GSK3B: variants seen among roughly 807,000 people sequenced by gnomAD.
The protein encoded by GSK3B is glycogen synthase kinase-3 beta.
In GSK3B, 15 loss-of-function variants were observed where a neutral mutation model predicts 56.4. The observed-to-expected ratio is 0.27, with a 90% CI of 0.18 to 0.41. The LOEUF (loss-of-function observed/expected upper bound fraction) is 0.41. Ranked by LOEUF, GSK3B falls within the 10% of genes least tolerant of loss-of-function variation. The pLI is 1.00. For missense variants in GSK3B, 300 were observed against 513.4 expected, an observed-to-expected ratio of 0.58 and a Z score of 4.02; for synonymous variants, 181 against 188.9, an observed-to-expected ratio of 0.96 and a Z score of 0.34.
At chr3:119,855,564 G>T (rs577539796) in intron 9 of GSK3B, among the ~76,000 whole-genome samples, 3 of 152,154 alleles carry the variant, frequency 2.0e-5, no homozygotes, top group Non-Finnish European at 2.9e-5. Context: ...CAATAGCGAA[G>T]ACTTGGAACC....
chr3:120,037,139 C>G (rs558895041), intron 1 of GSK3B, among the ~76,000 whole-genome samples: 53 of 152,156 alleles, frequency 3.5e-4, no homozygotes, highest in Non-Finnish European at 7.2e-4. Flanking sequence ...CTAGCAATTA[C>G]TTGAAACAAA....
At chr3:120,038,933 T>C (rs1286671207) in intron 1 of GSK3B, among the ~76,000 whole-genome samples, 1 of 151,918 alleles carries the variant, frequency 6.6e-6, no homozygotes, top group Non-Finnish European at 1.5e-5. Context: ...GAGAAAATAT[T>C]TGCAATACAC....
In GSK3B at chr3:119,856,026, T is replaced by C. The variant is rs1292729383; in HGVS notation, c.1096+7393A>G. On this transcript the variant is annotated intron_variant, in intron 9 of 10. Transcript: ENST00000264235. ...GGGAGAACCAGTCTACATTTTTCTA[T>C]GTTTATTTATATCATGATTTTGTAT... Among the ~76,000 whole-genome samples the C allele has an allele frequency of 2.0e-5, 3 of 152,232 alleles. No individual in the cohort carries two copies. In the East Asian group the frequency reaches 5.8e-4, roughly 29 times the overall value.
chr3:120,044,846 G>A (rs1396714345), intron 1 of GSK3B, among the ~76,000 whole-genome samples: 2 of 152,148 alleles, frequency 1.3e-5, no homozygotes, highest in Non-Finnish European at 2.9e-5. Flanking sequence ...ACTCAATATT[G>A]TACCTTCATC....
rs142829558 is a variant in GSK3B, at chr3:119,824,689, A to G, written c.*2099T>C. 1 of 194,622 alleles carries G rather than the reference A, an allele frequency of 5.1e-6. No homozygotes were observed. Among genetic ancestry groups the G allele is most frequent in the African/African-American group, 2.3e-5 (1 of 43,330 alleles). The allele number at this position is 194,622 out of a possible 1,614,324, so 12.1% of individuals were successfully genotyped here. On this transcript the variant is annotated 3_prime_UTR_variant, in exon 11 of 11. Coordinates refer to ENST00000264235, the MANE Select transcript of GSK3B (RefSeq NM_001146156.2). ...CTTAGCTTTCAGAAGCACTTTATAAAACATAAAATTCAATTTGTTTGATTT... is the reference window on the plus strand; with the variant it reads ...CTTAGCTTTCAGAAGCACTTTATAAGACATAAAATTCAATTTGTTTGATTT...
At chr3:119,833,833 C>T (rs1398672127) in intron 10 of GSK3B, among the ~76,000 whole-genome samples, 1 of 151,124 alleles carries the variant, frequency 6.6e-6, no homozygotes, top group Non-Finnish European at 1.5e-5. Context: ...TGGGATTAAA[C>T]AGGCACGCAC....
intron 1 of GSK3B, among the ~76,000 whole-genome samples, chr3:120,069,345 T>C (rs1158781558): frequency 1.3e-5 from 2 of 152,180 alleles, no homozygotes; most frequent in African/African-American, 4.8e-5. Flanking sequence ...TTCCTCAAAA[T>C]TGAGAAGAAT....
chr3:120,018,365 T>TA (rs2057844653), intron 1 of GSK3B, among the ~76,000 whole-genome samples: 1 of 152,068 alleles, frequency 6.6e-6, no homozygotes, highest in Non-Finnish European at 1.5e-5. Flanking sequence ...GGTGGTTCCA[T>TA]AGGGCCAACT....
At chr3:119,967,826 CTT>C (rs2057332124) in intron 2 of GSK3B, among the ~76,000 whole-genome samples, 18 of 87,496 alleles carry the variant, frequency 2.1e-4, no homozygotes, top group African/African-American at 8.8e-4. Context: ...CCCTTTCTCT[CTT>C]TCTCTTTCTC....
chr3:119,933,011 T>C (rs949925934), intron 3 of GSK3B, among the ~76,000 whole-genome samples: 4 of 152,098 alleles, frequency 2.6e-5, no homozygotes, highest in Admixed American at 6.5e-5. Flanking sequence ...GGCAGGAGAA[T>C]TGCTTGAACC....
intron 7 of GSK3B, among the ~76,000 whole-genome samples, chr3:119,881,444 T>C (rs1559820908): frequency 6.6e-6 from 1 of 152,212 alleles, no homozygotes; most frequent in Non-Finnish European, 1.5e-5. Context: ...TTTACTATTG[T>C]ACTTAAAACA....
chr3:119,834,105 T>C (rs547664136), intron 10 of GSK3B, among the ~76,000 whole-genome samples: 3 of 152,286 alleles, frequency 2.0e-5, no homozygotes, highest in African/African-American at 7.2e-5. Flanking sequence ...CTTTCTATAA[T>C]AGTTAGAAAT....
chr3:119,909,702 G>A (rs535651035), intron 6 of GSK3B, among the ~76,000 whole-genome samples: 1 of 152,232 alleles, frequency 6.6e-6, no homozygotes, highest in African/African-American at 2.4e-5. Flanking sequence ...AACATCTTGG[G>A]TGAAGACTTG....
intron 2 of GSK3B, among the ~76,000 whole-genome samples, chr3:119,969,312 A>G (rs1433052260): frequency 1.3e-5 from 2 of 151,934 alleles, no homozygotes; most frequent in African/African-American, 4.8e-5. Context: ...AAAAATCTAT[A>G]TGATGAAAAC....
At chr3:119,957,707 A>G (rs1354913631) in intron 2 of GSK3B, among the ~76,000 whole-genome samples, 1 of 152,222 alleles carries the variant, frequency 6.6e-6, no homozygotes, top group Non-Finnish European at 1.5e-5. Flanking sequence ...TCAAGTAAGC[A>G]ACATTATGAT....
intron 9 of GSK3B, among the ~76,000 whole-genome samples, chr3:119,846,104 G>A (rs1412037826): frequency 6.6e-6 from 1 of 152,092 alleles, no homozygotes; most frequent in Admixed American, 6.6e-5. Flanking sequence ...ATATGCAGAA[G>A]ACTGAAACTG....
At position 120,045,592 on chromosome 3, in the gene GSK3B, G is replaced by A. The variant is rs191306141; in HGVS notation, c.89-43353C>T. Among the ~76,000 whole-genome samples, 11 of 152,224 alleles carry A rather than the reference G, an allele frequency of 7.2e-5. No individual in the cohort carries two copies. The East Asian group carries it at 2.1e-3, about 29-fold the overall frequency. ...CACAGGGGAGTGACACTGAGGTAGG[G>A]ACTACACATCAGAAATAAAAACCCC... On this transcript the variant is annotated intron_variant, in intron 1 of 10. Coordinates refer to ENST00000264235, the MANE Select transcript of GSK3B (RefSeq NM_001146156.2).
At chr3:119,965,354 G>C (rs915383985) in intron 2 of GSK3B, among the ~76,000 whole-genome samples, 1 of 149,374 alleles carries the variant, frequency 6.7e-6, no homozygotes, top group African/African-American at 2.5e-5. Flanking sequence ...GTTAGCCACC[G>C]TGCCCAGCCA....
chr3:119,936,842 A>T (rs1341024458), intron 3 of GSK3B, among the ~76,000 whole-genome samples: 2 of 151,938 alleles, frequency 1.3e-5, no homozygotes, highest in Admixed American at 6.6e-5. Flanking sequence ...ATCAAGACAG[A>T]TCAATAAGGA....
Sources: gnomAD v4.1 joint callset for allele counts (sites outside exome capture counted in the v4.1 genomes callset) on GRCh38, gnomAD v4.1.1 for gene constraint, MANE v1.5 for transcripts, NCBI Gene and HGNC (gene_info 2026-07-23, HGNC 2026-07-21) for gene names.